The following FBXO25 variants were observed in gnomAD, a reference collection of about 807,000 sequenced individuals.
FBXO25 encodes F-box only protein 25.
Under a neutral mutation model 51.9 loss-of-function variants are expected in FBXO25, and 45 were observed. The ratio of observed to expected loss-of-function variants is 0.87; its 90% CI spans 0.68 to 1.11. FBXO25 has a LOEUF of 1.11. FBXO25 is among the 50% of genes most tolerant of loss of function. The probability of loss-of-function intolerance (pLI) is 0.00; values close to 1 mark genes in which losing one functional copy is unlikely to be tolerated. For missense variants in FBXO25, 507 were observed against 428.5 expected (o/e 1.18, Z -1.62); for synonymous variants, 199 against 151.0 (o/e 1.32, Z -2.33).
intron 5 of FBXO25, among the ~76,000 whole-genome samples, chr8:436,802 A>T (rs1798131615): frequency 6.6e-6 from 1 of 152,196 alleles, no homozygotes; most frequent in Admixed American, 6.5e-5. Context: ...GATAGTTCAG[A>T]CCATACTGAG....
chr8:467,579 G>T, intron 9 of FBXO25: 3 of 837,008 alleles, frequency 3.6e-6, no homozygotes, highest in Non-Finnish European at 1.9e-6. Flanking sequence ...TTAGTTACCT[G>T]ATGTTTTTAG....
rs1800550818 is a variant in FBXO25, at chr8:473,614, G to A, written c.*4810G>A. The A allele has an allele frequency of 6.6e-6, 1 of 152,216 alleles. No homozygotes were observed. Among genetic ancestry groups the A allele is most frequent in the African/African-American group, 2.4e-5 (1 of 41,428 alleles). 9.4% of individuals were successfully genotyped at this position (152,216 alleles called of 1,614,324 possible). ...CCACAGAGTGACAAAGAACAGAGATGCCCAGAGCACCAGCTGGAGGGGCAA... is the reference window on the plus strand; with the variant it reads ...CCACAGAGTGACAAAGAACAGAGATACCCAGAGCACCAGCTGGAGGGGCAA... On this transcript the variant is annotated 3_prime_UTR_variant, in exon 10 of 10. Transcript: ENST00000350302.
intron 9 of FBXO25, among the ~76,000 whole-genome samples, chr8:467,176 C>A (rs537911760): frequency 6.6e-6 from 1 of 152,244 alleles, no homozygotes; most frequent in African/African-American, 2.4e-5. Flanking sequence ...AGGAGGGCAG[C>A]TGCTGAGGCT....
chr8:433,771 T>C (rs570189895), intron 4 of FBXO25, among the ~76,000 whole-genome samples: 3 of 152,354 alleles, frequency 2.0e-5, no homozygotes, highest in African/African-American at 7.2e-5. Flanking sequence ...ATTCCAGAAA[T>C]GTTTGTAGAT....
At chr8:419,963 C>A (rs1237945883) in intron 2 of FBXO25, among the ~76,000 whole-genome samples, 1 of 152,084 alleles carries the variant, frequency 6.6e-6, no homozygotes, top group Non-Finnish European at 1.5e-5. Context: ...TTTCGGTGAA[C>A]CTGTACTTCA....
rs369423216 is a variant in FBXO25, at chr8:413,165, G to T, written c.86G>T (p.Ser29Ile). 16 of 1,610,544 alleles carry T rather than the reference G, an allele frequency of 9.9e-6. No homozygotes were observed. In the African/African-American group the frequency reaches 1.5e-4, roughly 15 times the overall value. ...GGCTGGAAGAGATGTGAATCTTGTA[G>T]TCAGAAACTTGAAAGAGAGAATAAC... ...EDGWKRCESC[S>I]QKLERENNRC... Residue 29 changes from serine to isoleucine, a missense_variant, in exon 2 of 10, where the codon AGT becomes ATT. Physicochemically the swap from Ser to Ile is moderately radical, Grantham distance 142 (BLOSUM62 -2). Coordinates refer to ENST00000350302, the MANE Select transcript of FBXO25 (RefSeq NM_183420.2).
chr8:470,658 G>A lies in FBXO25; in HGVS notation c.*1854G>A, dbSNP rs1800453663. 1 of 152,218 alleles carries A rather than the reference G, an allele frequency of 6.6e-6. No homozygotes were observed. The highest frequency in any genetic ancestry group is 1.5e-5 in the Non-Finnish European group (1 of 68,080). The allele number at this position is 152,218 out of a possible 1,614,324, so 9.4% of individuals were successfully genotyped here. A position where few individuals can be genotyped will look rare whatever the true frequency, so the allele number is the denominator to read the frequency against. On this transcript the variant is annotated 3_prime_UTR_variant, in exon 10 of 10. Coordinates refer to ENST00000350302, the MANE Select transcript of FBXO25 (RefSeq NM_183420.2). ...AGCTTCCCAAAGTGCTGGGATTACA[G>A]GCATGAGCCACCACGTCCAGCTGAG...
intron 9 of FBXO25, among the ~76,000 whole-genome samples, chr8:463,496 A>T (rs937357122): frequency 6.6e-6 from 1 of 152,162 alleles, no homozygotes; most frequent in Middle Eastern, 3.2e-3. Context: ...CCCTCTGCCC[A>T]TCTGAGGACA....
chr8:458,990 C>G (rs80014128), intron 8 of FBXO25, among the ~76,000 whole-genome samples: 9,226 of 152,242 alleles, frequency 0.061, 312 homozygotes, highest in Middle Eastern at 0.086. Flanking sequence ...GCCCCTCCCC[C>G]CTGCCTTGTG....
chr8:452,767 T>A (rs1197207896), intron 7 of FBXO25, among the ~76,000 whole-genome samples: 1 of 152,140 alleles, frequency 6.6e-6, no homozygotes, highest in Non-Finnish European at 1.5e-5. Context: ...AGTGGAGAGA[T>A]GTGCACCGGT....
intron 9 of FBXO25, among the ~76,000 whole-genome samples, chr8:465,501 G>A (rs891504439): frequency 1.3e-5 from 2 of 152,078 alleles, no homozygotes; most frequent in African/African-American, 4.8e-5. Context: ...ATCAATATTG[G>A]AGCTCTCCCT....
In FBXO25 at chr8:463,116, A is replaced by G; in HGVS notation, c.953A>G (p.His318Arg). ...AAGGAGCAGTACGGAGACACACTGC[A>G]TTTCTGTCGGCACTGCAGCATTCTC... ...PAKEQYGDTL[H>R]FCRHCSILFW... The change falls in exon 9 of 10, where the codon CAT becomes CGT. Residue 318 changes from histidine to arginine, a missense_variant. Transcript: ENST00000350302. The G allele has an allele frequency of 6.2e-7, 1 of 1,613,606 alleles. No individual in the cohort carries two copies. The highest frequency in any genetic ancestry group is 8.5e-7 in the Non-Finnish European group (1 of 1,179,926).
intron 1 of FBXO25, among the ~76,000 whole-genome samples, chr8:409,776 A>G (rs146463648): frequency 0.05 from 7,550 of 152,196 alleles, 300 homozygotes; most frequent in African/African-American, 0.1. Flanking sequence ...CATTTGATCT[A>G]TCCTACAAGC....
At position 431,535 on chromosome 8, in the gene FBXO25, G is replaced by C. The variant is rs1797037047; in HGVS notation, c.238+91G>C. 4 of 666,900 alleles carry C rather than the reference G, an allele frequency of 6.0e-6. No homozygotes were observed. The South Asian group carries it at 7.1e-5, about 12-fold the overall frequency. 41.3% of individuals were successfully genotyped at this position (666,900 alleles called of 1,614,324 possible). A position where few individuals can be genotyped will look rare whatever the true frequency, so the allele number is the denominator to read the frequency against. On this transcript the variant is annotated intron_variant, in intron 3 of 9. Transcript: ENST00000350302. Reference sequence around the variant, plus strand: ...AATGCTATCTTATGAAATAAAAGGTGATACAAATATGTAAATAACAGCCCA... The same window carrying C: ...AATGCTATCTTATGAAATAAAAGGTCATACAAATATGTAAATAACAGCCCA...
rs547521205 is a variant in FBXO25, at chr8:444,113, G to C, written c.382-5877G>C. ...CATTACAGCATTGAAAGGGCATCAG[G>C]TACTTCAGATGGTGCCTTTCTAATA... On this transcript the variant is annotated intron_variant, in intron 5 of 9. Coordinates refer to ENST00000350302, the MANE Select transcript of FBXO25 (RefSeq NM_183420.2). 2.6e-5 allele frequency among the ~76,000 whole-genome samples: 4 copies of C among 152,330 alleles called. No homozygotes were observed. In the South Asian group the frequency reaches 8.3e-4, roughly 32 times the overall value.
At chr8:464,980 G>A (rs57864005) in intron 9 of FBXO25, among the ~76,000 whole-genome samples, 4,444 of 152,260 alleles carry the variant, frequency 0.029, 196 homozygotes, top group African/African-American at 0.1. Flanking sequence ...GGTGAAGTCA[G>A]CAAATCAGTT....
At chr8:455,245 A>G (rs1799351661) in intron 7 of FBXO25, among the ~76,000 whole-genome samples, 1 of 152,236 alleles carries the variant, frequency 6.6e-6, no homozygotes, top group African/African-American at 2.4e-5. Context: ...GCCAAGGGTC[A>G]TTGAAAGGTC....
In FBXO25 at chr8:451,464, C is replaced by G. The variant is rs772756056; in HGVS notation, c.660+11C>G. 5.6e-6 allele frequency: 9 copies of G among 1,611,148 alleles called. No homozygotes were observed. The highest frequency in any genetic ancestry group is 7.6e-6 in the Non-Finnish European group (9 of 1,178,804). ...CTTCAGATGACTAAGGTATAAATAT[C>G]TCGGCATAAGAGTTATTACACTCTG... On this transcript the variant is annotated intron_variant, in intron 7 of 9. Transcript: ENST00000350302.
intron 5 of FBXO25, among the ~76,000 whole-genome samples, chr8:447,807 G>A (rs1798835405): frequency 6.6e-6 from 1 of 152,070 alleles, no homozygotes; most frequent in Non-Finnish European, 1.5e-5. Context: ...TCCACTTGTG[G>A]CATCATGTCC....
Sources: gnomAD v4.1 joint callset for allele counts (sites outside exome capture counted in the v4.1 genomes callset) on GRCh38, gnomAD v4.1.1 for gene constraint, MANE v1.5 for transcripts, NCBI Gene and HGNC (gene_info 2026-07-23, HGNC 2026-07-21) for gene names.